The following SLC44A5 variants were observed in gnomAD, a reference collection of about 807,000 sequenced individuals.
The protein encoded by SLC44A5 is solute carrier family 44 member 5, also known as choline transporter-like protein 5.
Under a neutral mutation model 101.8 loss-of-function variants are expected in SLC44A5, and 57 were observed. That is an observed-to-expected ratio of 0.56 (90% CI 0.45 to 0.70). SLC44A5 has a LOEUF of 0.70. SLC44A5 is among the 30% of genes least tolerant of loss of function. The probability of loss-of-function intolerance (pLI) is 0.00; values close to 1 mark genes in which losing one functional copy is unlikely to be tolerated. For missense variants in SLC44A5, 737 were observed against 853.1 expected, an observed-to-expected ratio of 0.86 and a Z score of 1.70; for synonymous variants, 281 against 290.9, an observed-to-expected ratio of 0.97 and a Z score of 0.35.
intron 2 of SLC44A5, among the ~76,000 whole-genome samples, chr1:75,486,312 G>GA (rs1668145705): frequency 6.6e-6 from 1 of 151,896 alleles, no homozygotes; most frequent in African/African-American, 2.4e-5. Flanking sequence ...ACTTCTGTTT[G>GA]AAAAAAATGC....
chr1:75,694,903 T>G, the SLC44A5 span, among the ~76,000 whole-genome samples: 8 of 152,168 alleles, frequency 5.3e-5, no homozygotes, highest in Non-Finnish European at 1.0e-4. Context: ...GCGAAGTTGG[T>G]TGGGACGCTC....
intron 4 of SLC44A5, among the ~76,000 whole-genome samples, chr1:75,333,457 A>T (rs372034856): frequency 9.8e-5 from 14 of 143,042 alleles, no homozygotes; most frequent in South Asian, 2.2e-4. Flanking sequence ...TCTTTTTTCT[A>T]TTTTTTTTTT....
At chr1:75,286,701 G>C (rs1653079954) in intron 5 of SLC44A5, among the ~76,000 whole-genome samples, 1 of 152,040 alleles carries the variant, frequency 6.6e-6, no homozygotes, top group Non-Finnish European at 1.5e-5. Context: ...TTATTTGTCT[G>C]AAAAAGCTTG....
chr1:75,250,122 C>T (rs1047636276), intron 7 of SLC44A5, among the ~76,000 whole-genome samples: 33 of 152,040 alleles, frequency 2.2e-4, no homozygotes, highest in African/African-American at 7.7e-4. Context: ...AGTATCCATT[C>T]GTTGTTTTCC....
the SLC44A5 span, among the ~76,000 whole-genome samples, chr1:75,659,443 G>GGGAAGGAAGGAA: frequency 1.8e-4 from 11 of 61,114 alleles, no homozygotes; most frequent in African/African-American, 7.5e-4. Context: ...GAGGGAGGGA[G>GGGAAGGAAGGAA]GGAAGGAAGG....
intron 2 of SLC44A5, among the ~76,000 whole-genome samples, chr1:75,512,055 G>A (rs1384788150): frequency 1.3e-5 from 2 of 152,188 alleles, no homozygotes; most frequent in East Asian, 3.8e-4. Context: ...AAGTTGATGT[G>A]CTATAGCTTG....
chr1:75,341,660 G>A (rs1025021397), intron 3 of SLC44A5, among the ~76,000 whole-genome samples: 7 of 152,056 alleles, frequency 4.6e-5, no homozygotes, highest in Non-Finnish European at 8.8e-5. Flanking sequence ...GGCACAGGGC[G>A]GGTCACGAAT....
At chr1:75,590,167 C>T (rs1271477027) in intron 1 of SLC44A5, among the ~76,000 whole-genome samples, 1 of 151,796 alleles carries the variant, frequency 6.6e-6, no homozygotes, top group Non-Finnish European at 1.5e-5. Flanking sequence ...GAGACCCCTT[C>T]CTTCTGCTTG....
At chr1:75,434,970 G>A (rs1028094574) in intron 2 of SLC44A5, among the ~76,000 whole-genome samples, 1 of 152,084 alleles carries the variant, frequency 6.6e-6, no homozygotes, top group Non-Finnish European at 1.5e-5. Flanking sequence ...GTATGGATAC[G>A]TGTTTCCTTA....
At chr1:75,243,127 C>G in intron 7 of SLC44A5, 116 bp from the exon 8 acceptor site, 3 of 1,215,474 alleles carry the variant, frequency 2.5e-6, no homozygotes, top group South Asian at 3.8e-5. Context: ...TGTTTTCCAT[C>G]TAAGAAACCT....
At chr1:75,723,283 T>C in the SLC44A5 span, among the ~76,000 whole-genome samples, 1 of 152,232 alleles carries the variant, frequency 6.6e-6, no homozygotes, top group African/African-American at 2.4e-5. Context: ...AGAGCTCCTT[T>C]GTCTCAGTGT....
At chr1:75,207,596 C>T (rs879520410) in intron 23 of SLC44A5, among the ~76,000 whole-genome samples, 1 of 152,122 alleles carries the variant, frequency 6.6e-6, no homozygotes, top group Non-Finnish European at 1.5e-5. Context: ...TTTCTACTAG[C>T]GCTCACAGTG....
Position 75,537,343 on chromosome 1 carries a change from G to A in SLC44A5, c.13+4092C>T, listed in dbSNP as rs142693357. Among the ~76,000 whole-genome samples, 25 of 152,176 alleles carry A rather than the reference G, an allele frequency of 1.6e-4. No individual in the cohort carries two copies. In the East Asian group the frequency reaches 3.7e-3, roughly 22 times the overall value. On this transcript the variant is annotated intron_variant, in intron 2 of 23. Transcript: ENST00000370859. The stretch of plus-strand genomic sequence containing the variant: ...TCTATCCCTCATCAGTTGAATAATA[G>A]CAATGTGTTATGGCTTCTTTTCTAC...
In SLC44A5 at chr1:75,255,380, G is replaced by A. The variant is rs987231813; in HGVS notation, c.261-4086C>T. Among the ~76,000 whole-genome samples, 9 of 151,752 alleles carry A rather than the reference G, an allele frequency of 5.9e-5. 1 individual carries two copies. Among genetic ancestry groups the A allele is most frequent in the Non-Finnish European group, 8.8e-5 (6 of 67,968 alleles). On this transcript the variant is annotated intron_variant, in intron 6 of 23. Coordinates refer to ENST00000370859, the MANE Select transcript of SLC44A5 (RefSeq NM_001130058.2). ...ATTATTCACAAAATAAAAATGTGAT[G>A]TTATTGTAAAAGAATAATTGGAGAA...
chr1:75,285,525 GTTC>G (rs1652968138), intron 5 of SLC44A5, among the ~76,000 whole-genome samples: 1 of 151,708 alleles, frequency 6.6e-6, no homozygotes, highest in Non-Finnish European at 1.5e-5. Context: ...GGTTTGGTTT[GTTC>G]TTGTTTCTCT....
chr1:75,376,795 T>C (rs1179257145), intron 3 of SLC44A5, among the ~76,000 whole-genome samples: 1 of 152,192 alleles, frequency 6.6e-6, no homozygotes, highest in Non-Finnish European at 1.5e-5. Context: ...GGAACGCAGT[T>C]CCTCACCAGC....
intron 2 of SLC44A5, among the ~76,000 whole-genome samples, chr1:75,479,509 C>A (rs1216693132): frequency 2.6e-5 from 4 of 151,986 alleles, no homozygotes; most frequent in African/African-American, 9.7e-5. Context: ...GCTAGCAAGA[C>A]TAATGAAGAA....
intron 10 of SLC44A5, among the ~76,000 whole-genome samples, chr1:75,238,074 C>T (rs1376946437): frequency 6.6e-6 from 1 of 151,704 alleles, no homozygotes; most frequent in African/African-American, 2.4e-5. Flanking sequence ...CAATACATTT[C>T]TTTATGTCAC....
chr1:75,589,740 T>C (rs1241796014), intron 1 of SLC44A5, among the ~76,000 whole-genome samples: 1 of 152,124 alleles, frequency 6.6e-6, no homozygotes. Flanking sequence ...AGTGAGAGCA[T>C]CTCTGTGTGC....
Sources: allele counts gnomAD v4.1 joint callset (sites outside exome capture counted in the v4.1 genomes callset), GRCh38; gene constraint gnomAD v4.1.1; transcripts MANE v1.5; gene names NCBI Gene and HGNC (gene_info 2026-07-23, HGNC 2026-07-21).